The following AGMO variants were observed in gnomAD, a reference collection of about 807,000 sequenced individuals.
AGMO encodes glyceryl-ether monooxygenase.
AGMO carries 75 observed loss-of-function variants against 60.2 expected under a neutral mutation model. The observed-to-expected ratio is 1.25, with a 90% CI of 1.03 to 1.51. The LOEUF (loss-of-function observed/expected upper bound fraction) is 1.51. Ranked by LOEUF, AGMO falls within the 40% of genes most tolerant of loss-of-function variation. The probability of loss-of-function intolerance (pLI) is 0.00; values close to 1 mark genes in which losing one functional copy is unlikely to be tolerated. For missense variants in AGMO, 763 were observed against 525.5 expected (o/e 1.45, Z -4.42); for synonymous variants, 261 against 177.1 (o/e 1.47, Z -3.76).
At chr7:15,399,401 G>A (rs1784496672) in intron 5 of AGMO, among the ~76,000 whole-genome samples, 1 of 152,098 alleles carries the variant, frequency 6.6e-6, no homozygotes, top group Admixed American at 6.6e-5. Flanking sequence ...GCCTTTCTTA[G>A]TTATATTGTG....
intron 12 of AGMO, among the ~76,000 whole-genome samples, chr7:15,209,413 T>C (rs1319429405): frequency 6.6e-6 from 1 of 151,934 alleles, no homozygotes; most frequent in Non-Finnish European, 1.5e-5. Flanking sequence ...AGGGAAAAAA[T>C]GCCATGTTTA....
chr7:15,360,097 A>G (rs1325675550), intron 12 of AGMO, among the ~76,000 whole-genome samples: 1 of 152,208 alleles, frequency 6.6e-6, no homozygotes, highest in African/African-American at 2.4e-5. Context: ...TATTATAAGT[A>G]CTTTTTGTAT....
At chr7:15,142,461 C>G in the AGMO span, among the ~76,000 whole-genome samples, 1 of 152,132 alleles carries the variant, frequency 6.6e-6, no homozygotes, top group Non-Finnish European at 1.5e-5. Flanking sequence ...TAAAGGAGTA[C>G]TGTCCTGAGG....
chr7:15,400,957 T>C (rs1784537661), intron 5 of AGMO, among the ~76,000 whole-genome samples: 1 of 152,110 alleles, frequency 6.6e-6, no homozygotes, highest in Admixed American at 6.6e-5. Flanking sequence ...ACTTACACAT[T>C]AAGTTGAATA....
intron 12 of AGMO, among the ~76,000 whole-genome samples, chr7:15,238,048 A>T (rs1398933687): frequency 6.6e-6 from 1 of 152,002 alleles, no homozygotes; most frequent in East Asian, 1.9e-4. Context: ...CCTCTCCCTT[A>T]ATGACCTACA....
chr7:15,509,482 A>G (rs1783616044), intron 3 of AGMO, among the ~76,000 whole-genome samples: 1 of 152,150 alleles, frequency 6.6e-6, no homozygotes, highest in South Asian at 2.1e-4. Flanking sequence ...TAAAAATACC[A>G]GAAGAAAACA....
intron 5 of AGMO, among the ~76,000 whole-genome samples, chr7:15,415,613 C>T (rs1221624033): frequency 1.3e-5 from 2 of 152,008 alleles, no homozygotes; most frequent in Non-Finnish European, 1.5e-5. Flanking sequence ...TTATCTGCTA[C>T]ATTTCTCTAC....
chr7:15,554,499 T>C (rs1785071198), intron 2 of AGMO, among the ~76,000 whole-genome samples: 1 of 152,040 alleles, frequency 6.6e-6, no homozygotes, highest in African/African-American at 2.4e-5. Flanking sequence ...CCTCCTATTG[T>C]CCTATTTTCT....
intron 3 of AGMO, among the ~76,000 whole-genome samples, chr7:15,496,243 A>T (rs1286788134): frequency 1.3e-5 from 2 of 152,194 alleles, no homozygotes; most frequent in Non-Finnish European, 2.9e-5. Context: ...CAATTGACAA[A>T]CTAAAACTAA....
chr7:15,161,545 A>G, the AGMO span, among the ~76,000 whole-genome samples: 1 of 151,730 alleles, frequency 6.6e-6, no homozygotes, highest in African/African-American at 2.4e-5. Flanking sequence ...TATATGCATT[A>G]ATACATATAT....
chr7:15,229,252 T>C (rs1010828979), intron 12 of AGMO, among the ~76,000 whole-genome samples: 2 of 152,100 alleles, frequency 1.3e-5, no homozygotes, highest in African/African-American at 4.8e-5. Context: ...GATAATTTTA[T>C]CATGTCTATA....
rs755873183 is a variant in AGMO at position 15,366,214 on chromosome 7, C to A, written c.1083G>T (p.Ser361=). 5 of 1,603,204 alleles carry A rather than the reference C, an allele frequency of 3.1e-6. No homozygotes were observed. The African/African-American group carries it at 4.0e-5, about 13-fold the overall frequency. ...AAACCCTCAGAAGGAGAGTAACTTG[C>A]GACAGTGCCTGTCAAACAAACACGG... ...EETFADTAAL[S]QVTLLLRVCF... Residue 361 remains serine, a synonymous_variant, in exon 11 of 13, where the codon TCG becomes TCT. Transcript: ENST00000342526.
intron 12 of AGMO, among the ~76,000 whole-genome samples, chr7:15,325,505 C>A (rs552902148): frequency 2.0e-5 from 3 of 152,004 alleles, no homozygotes; most frequent in South Asian, 4.1e-4. Flanking sequence ...AATTTACATC[C>A]AAGCTAACTG....
At chr7:15,373,945 T>C (rs886841600) in intron 10 of AGMO, among the ~76,000 whole-genome samples, 3 of 152,146 alleles carry the variant, frequency 2.0e-5, no homozygotes, top group African/African-American at 7.2e-5. Context: ...CTCTACAATC[T>C]CTGCTGTGAA....
chr7:15,333,949 A>T (rs1781574734), intron 12 of AGMO, among the ~76,000 whole-genome samples: 1 of 152,106 alleles, frequency 6.6e-6, no homozygotes, highest in African/African-American at 2.4e-5. Flanking sequence ...TTAAATTTTT[A>T]TTAAAAGTTA....
rs151182203 is a variant in AGMO, at chr7:15,521,814, C to T, written c.409+22958G>A. Among the ~76,000 whole-genome samples the T allele has an allele frequency of 3.7e-3, 556 of 152,114 alleles. 5 individuals carry two copies. The highest frequency in any genetic ancestry group is 0.013 in the African/African-American group (526 of 41,524). On this transcript the variant is annotated intron_variant, in intron 3 of 12. Coordinates refer to ENST00000342526, the MANE Select transcript of AGMO (RefSeq NM_001004320.2). ...AGACAAAGATGCCCTCTCTCATCAC[C>T]CCTATTCAACATAGAAATGGAAGTT... is the stretch of plus-strand genomic sequence containing the variant.
intron 12 of AGMO, among the ~76,000 whole-genome samples, chr7:15,291,759 C>A (rs1395010790): frequency 7.2e-5 from 11 of 152,118 alleles, no homozygotes. Context: ...GTAGAAACAT[C>A]AGGGGACAAA....
intron 12 of AGMO, among the ~76,000 whole-genome samples, chr7:15,229,175 C>T (rs1782176617): frequency 6.6e-6 from 1 of 152,016 alleles, no homozygotes; most frequent in African/African-American, 2.4e-5. Flanking sequence ...AATGTTGCCT[C>T]CGACAAACAC....
chr7:15,450,692 G>T (rs1046518264), intron 3 of AGMO, among the ~76,000 whole-genome samples: 2 of 151,990 alleles, frequency 1.3e-5, no homozygotes, highest in African/African-American at 4.8e-5. Context: ...GATGCATAAA[G>T]CTCTTGGCTT....
Sources: gnomAD v4.1 joint callset for allele counts (sites outside exome capture counted in the v4.1 genomes callset) on GRCh38, gnomAD v4.1.1 for gene constraint, MANE v1.5 for transcripts, NCBI Gene and HGNC (gene_info 2026-07-23, HGNC 2026-07-21) for gene names.